HTRA1: variants seen among roughly 807,000 people sequenced by gnomAD.
HTRA1 encodes serine protease HTRA1.
HTRA1 carries 26 observed loss-of-function variants against 49.7 expected under a neutral mutation model. The observed-to-expected ratio is 0.52, with a 90% CI of 0.38 to 0.73. The LOEUF (loss-of-function observed/expected upper bound fraction) is 0.73, where lower values mean the gene tolerates loss of function less well. Ranked by LOEUF, HTRA1 falls within the 30% of genes least tolerant of loss-of-function variation. The pLI is 0.00. For synonymous variants in HTRA1, 291 were observed against 286.9 expected (o/e 1.01, Z -0.14); for missense variants, 561 against 667.2 (o/e 0.84, Z 1.75).
chr10:122,493,077 G>C (rs1342974627), intron 3 of HTRA1, among the ~76,000 whole-genome samples: 2 of 152,174 alleles, frequency 1.3e-5, no homozygotes, highest in East Asian at 1.9e-4. Flanking sequence ...CTCCTTTTCT[G>C]CTTCTCACTG....
Position 122,477,516 on chromosome 10 carries a change from A to C in HTRA1, c.473-11386A>C, listed in dbSNP as rs529211727. On this transcript the variant is annotated intron_variant, in intron 1 of 8. Coordinates refer to ENST00000368984, the MANE Select transcript of HTRA1 (RefSeq NM_002775.5). ...ACTGGGAAAGTACTGATGGCAGCTG[A>C]GGAGTGTGTCCCAGACTTCACTGAG... 2.0e-5 allele frequency among the ~76,000 whole-genome samples: 3 copies of C among 152,302 alleles called. No homozygotes were observed. In the East Asian group the frequency reaches 5.8e-4, roughly 29 times the overall value.
At chr10:122,485,919 G>A in intron 1 of HTRA1, among the ~76,000 whole-genome samples, 1 of 152,220 alleles carries the variant, frequency 6.6e-6, no homozygotes, top group East Asian at 1.9e-4. Context: ...CAGGAAGCTG[G>A]TCTGAGGAAG....
At chr10:122,469,742 C>T (rs1466165046) in intron 1 of HTRA1, among the ~76,000 whole-genome samples, 1 of 152,178 alleles carries the variant, frequency 6.6e-6, no homozygotes, top group Non-Finnish European at 1.5e-5. Flanking sequence ...TGTAACTTGT[C>T]CAAGGCCAGC....
chr10:122,467,258 T>C (rs2097484150), intron 1 of HTRA1, among the ~76,000 whole-genome samples: 1 of 152,182 alleles, frequency 6.6e-6, no homozygotes, highest in Admixed American at 6.5e-5. Context: ...TGAGGGTTCC[T>C]TGGAAGGCCA....
At chr10:122,482,785 G>A (rs1010577276) in intron 1 of HTRA1, among the ~76,000 whole-genome samples, 2 of 151,850 alleles carry the variant, frequency 1.3e-5, no homozygotes, top group Non-Finnish European at 2.9e-5. Context: ...GGGTGTGGTG[G>A]CATGTGCCTG....
chr10:122,491,373 G>A (rs953784004), intron 3 of HTRA1, among the ~76,000 whole-genome samples: 5 of 152,200 alleles, frequency 3.3e-5, no homozygotes, highest in Non-Finnish European at 7.3e-5. Context: ...GGAACAGGCT[G>A]CTAGAAAGGT....
chr10:122,496,582 G>A (rs1489299640), intron 3 of HTRA1, among the ~76,000 whole-genome samples: 3 of 152,180 alleles, frequency 2.0e-5, no homozygotes, highest in African/African-American at 4.8e-5. Flanking sequence ...TAAATATGGC[G>A]ATAAGTACAG....
chr10:122,506,861 C>T lies in HTRA1; in HGVS notation c.948C>T (p.Tyr316=), dbSNP rs2097503268. Reference sequence around the variant, plus strand: ...GGCTCCGCAACTCAGACATGGACTACATCCAGACCGACGCCATCATCAACG... The same window carrying T: ...GGCTCCGCAACTCAGACATGGACTATATCCAGACCGACGCCATCATCAACG... The part of the protein sequence containing the change: ...ELGLRNSDMD[Y]IQTDAIINYG... The change falls in exon 4 of 9, where the codon TAC becomes TAT. Residue 316 remains tyrosine, a synonymous_variant. Transcript: ENST00000368984. The surrounding 1 kb of genome is among the most constrained non-coding windows in gnomAD (Gnocchi z 5.2). 1.9e-6 allele frequency: 3 copies of T among 1,613,636 alleles called. No individual in the cohort carries two copies. Among genetic ancestry groups the T allele is most frequent in the African/African-American group, 2.7e-5 (2 of 74,922 alleles).
chr10:122,475,963 C>A (rs2097488286), intron 1 of HTRA1, among the ~76,000 whole-genome samples: 1 of 152,216 alleles, frequency 6.6e-6, no homozygotes, highest in African/African-American at 2.4e-5. Context: ...GCCACTCAAA[C>A]TGAAAACCTG....
chr10:122,467,296 G>A (rs527565959), intron 1 of HTRA1, among the ~76,000 whole-genome samples: 105 of 152,316 alleles, frequency 6.9e-4, no homozygotes, highest in African/African-American at 2.3e-3. Flanking sequence ...GAGGGCAAGC[G>A]GCTCTGGCCC....
At chr10:122,491,446 G>A (rs1426560816) in intron 3 of HTRA1, among the ~76,000 whole-genome samples, 1 of 152,246 alleles carries the variant, frequency 6.6e-6, no homozygotes, top group Admixed American at 6.5e-5. Context: ...GTGGCCACGC[G>A]TGGGACCTGT....
chr10:122,484,139 C>T (rs1382896871), intron 1 of HTRA1, among the ~76,000 whole-genome samples: 1 of 151,114 alleles, frequency 6.6e-6, no homozygotes, highest in East Asian at 1.9e-4. Flanking sequence ...CAGGCCTTGA[C>T]CTTTCAGGGG....
At chr10:122,491,980 C>A (rs1465070401) in intron 3 of HTRA1, among the ~76,000 whole-genome samples, 1 of 152,126 alleles carries the variant, frequency 6.6e-6, no homozygotes, top group Non-Finnish European at 1.5e-5. Flanking sequence ...TCTTTTGTTC[C>A]CTTGTTTTGA....
At chr10:122,465,288 A>G (rs1345215684) in intron 1 of HTRA1, among the ~76,000 whole-genome samples, 1 of 152,228 alleles carries the variant, frequency 6.6e-6, no homozygotes, top group African/African-American at 2.4e-5. Flanking sequence ...TACTGGTCAG[A>G]TGATTACAAA....
At chr10:122,508,881 G>A (rs79778361) in intron 6 of HTRA1, 111 bp downstream of exon 6, 16,357 of 732,276 alleles carry the variant, frequency 0.022, 458 homozygotes, top group East Asian at 0.13. Flanking sequence ...TAGCCAAGCC[G>A]TCTCTGATCC....
At chr10:122,508,626 T>G (rs1326383981) in intron 5 of HTRA1, 30 bp from the exon 6 acceptor site, 1 of 1,381,362 alleles carries the variant, frequency 7.2e-7, no homozygotes, top group Non-Finnish European at 1.0e-6. Flanking sequence ...GCTTCACGAT[T>G]CAGTAAGCCG....
chr10:122,482,831 T>C (rs2097491572), intron 1 of HTRA1, among the ~76,000 whole-genome samples: 1 of 138,674 alleles, frequency 7.2e-6, no homozygotes, highest in African/African-American at 2.8e-5. Flanking sequence ...GGCAGGAGAA[T>C]CACTTGAACC....
chr10:122,472,381 T>C (rs924383096), intron 1 of HTRA1, among the ~76,000 whole-genome samples: 35 of 130,176 alleles, frequency 2.7e-4, no homozygotes, highest in East Asian at 2.5e-3. Context: ...ATTATTATTA[T>C]TATTATTATT....
Position 122,506,938 on chromosome 10 carries a change from G to A in HTRA1, c.972+53G>A. On this transcript the variant is annotated intron_variant, in intron 4 of 8. Transcript: ENST00000368984. The surrounding 1 kb of genome is among the most constrained non-coding windows in gnomAD (Gnocchi z 5.2). ...GATTGGGGCAGAGTTTTGCCAGGGGGAGAGGAGTCAGCATAGGTCTTAGCC... is the reference window on the plus strand; with the variant it reads ...GATTGGGGCAGAGTTTTGCCAGGGGAAGAGGAGTCAGCATAGGTCTTAGCC... 6.6e-7 allele frequency: 1 copy of A among 1,514,340 alleles called. No individual in the cohort carries two copies. The highest frequency in any genetic ancestry group is 1.1e-5 in the South Asian group (1 of 88,632). The allele number at this position is 1,514,340 out of a possible 1,614,324, so 93.8% of individuals were successfully genotyped here. A position where few individuals can be genotyped will look rare whatever the true frequency, so the allele number is the denominator to read the frequency against.
Sources: allele counts gnomAD v4.1 joint callset (sites outside exome capture counted in the v4.1 genomes callset), GRCh38; gene constraint gnomAD v4.1.1; non-coding constraint Gnocchi (gnomAD v3.1); transcripts MANE v1.5; gene names NCBI Gene and HGNC (gene_info 2026-07-23, HGNC 2026-07-21).